The following DGKI variants were observed in gnomAD, a reference collection of about 807,000 sequenced individuals.
The protein encoded by DGKI is DAG kinase iota.
A neutral mutation model predicts 147.5 loss-of-function variants in DGKI; 55 were observed. The ratio of observed to expected loss-of-function variants is 0.37; its 90% CI spans 0.30 to 0.47. The LOEUF (loss-of-function observed/expected upper bound fraction) is 0.47, where lower values mean the gene tolerates loss of function less well. DGKI is among the 20% of genes least tolerant of loss of function. The pLI is 1.00. For missense variants in DGKI, 1,007 were observed against 1,323.8 expected (o/e 0.76, Z 3.71); for synonymous variants, 469 against 477.1 (o/e 0.98, Z 0.22).
intron 1 of DGKI, among the ~76,000 whole-genome samples, chr7:137,826,494 C>T (rs1798062092): frequency 6.6e-6 from 1 of 152,216 alleles, no homozygotes; most frequent in Non-Finnish European, 1.5e-5. Flanking sequence ...TTTCTATTAA[C>T]TGGTCCAGCC....
rs1316785013 is a variant in DGKI at position 137,542,861 on chromosome 7, C to T, written c.2147+9508G>A. On this transcript the variant is annotated intron_variant, in intron 20 of 32. Transcript: ENST00000614521. ...TACTTGGATGCTTGTCACATGGCTT[C>T]GTAATTCTGTCATAGGCAACACAAC... Among the ~76,000 whole-genome samples, 5 of 152,298 alleles carry T rather than the reference C, an allele frequency of 3.3e-5. No homozygotes were observed. In the South Asian group the frequency reaches 8.3e-4, roughly 25 times the overall value.
chr7:137,693,163 A>C (rs1355293100), intron 1 of DGKI, among the ~76,000 whole-genome samples: 1 of 152,196 alleles, frequency 6.6e-6, no homozygotes, highest in Non-Finnish European at 1.5e-5. Flanking sequence ...TAGATGACGA[A>C]TTTAAGAGTC....
chr7:137,527,606 A>G (rs1817197220), intron 20 of DGKI, among the ~76,000 whole-genome samples: 1 of 152,162 alleles, frequency 6.6e-6, no homozygotes, highest in Non-Finnish European at 1.5e-5. Context: ...TCCTGTTTTC[A>G]TTAACATTTC....
intron 28 of DGKI, among the ~76,000 whole-genome samples, chr7:137,426,202 G>T (rs4732257): frequency 0.41 from 61,864 of 152,036 alleles, 13,137 homozygotes; most frequent in East Asian, 0.74. Context: ...GCGGATCTCT[G>T]GGCAGAAACT....
intron 27 of DGKI, among the ~76,000 whole-genome samples, chr7:137,444,736 T>C (rs966864937): frequency 6.6e-6 from 1 of 152,232 alleles, no homozygotes; most frequent in African/African-American, 2.4e-5. Context: ...GCTTTAATTA[T>C]GATAATCAGA....
intron 3 of DGKI, among the ~76,000 whole-genome samples, chr7:137,672,219 T>G (rs73730089): frequency 0.062 from 9,513 of 152,252 alleles, 910 homozygotes; most frequent in African/African-American, 0.21. Context: ...GGTATCTGCA[T>G]GGCTAGATAA....
intron 2 of DGKI, among the ~76,000 whole-genome samples, chr7:137,687,779 A>C (rs990021935): frequency 6.6e-6 from 1 of 152,192 alleles, no homozygotes; most frequent in Non-Finnish European, 1.5e-5. Flanking sequence ...GACTGTCTCA[A>C]GGAAGGGCTT....
At chr7:137,678,853 T>C (rs1823131763) in intron 2 of DGKI, among the ~76,000 whole-genome samples, 1 of 152,222 alleles carries the variant, frequency 6.6e-6, no homozygotes, top group Non-Finnish European at 1.5e-5. Flanking sequence ...AACTTTGAGC[T>C]ATAACTAAAA....
At chr7:137,703,974 G>T (rs1793915724) in intron 1 of DGKI, among the ~76,000 whole-genome samples, 1 of 152,186 alleles carries the variant, frequency 6.6e-6, no homozygotes, top group Admixed American at 6.5e-5. Flanking sequence ...ACTTTGGGAG[G>T]CTAAGGCAGG....
chr7:137,699,050 A>T (rs1823888606), intron 1 of DGKI, among the ~76,000 whole-genome samples: 1 of 152,210 alleles, frequency 6.6e-6, no homozygotes, highest in Admixed American at 6.5e-5. Flanking sequence ...TATTTCTCAC[A>T]GTTCTGGAGG....
chr7:137,838,783 T>C (rs1203357935), intron 1 of DGKI, among the ~76,000 whole-genome samples: 2 of 152,220 alleles, frequency 1.3e-5, no homozygotes, highest in African/African-American at 4.8e-5. Flanking sequence ...TTTTAAAATA[T>C]ATTCTGCTGT....
intron 12 of DGKI, among the ~76,000 whole-genome samples, chr7:137,594,373 A>T (rs1323224354): frequency 6.6e-6 from 1 of 152,148 alleles, no homozygotes; most frequent in African/African-American, 2.4e-5. Context: ...AATAATATAC[A>T]ATTAAAGTAG....
intron 20 of DGKI, among the ~76,000 whole-genome samples, chr7:137,550,235 G>A (rs762639784): frequency 1.3e-4 from 19 of 149,746 alleles, no homozygotes; most frequent in Admixed American, 2.0e-4. Context: ...GTGTGATCTC[G>A]GCTCCATGAA....
At chr7:137,455,257 G>A (rs1338958573) in intron 27 of DGKI, among the ~76,000 whole-genome samples, 1 of 152,028 alleles carries the variant, frequency 6.6e-6, no homozygotes. Context: ...AACATTGTCT[G>A]CTTCCTCCTG....
intron 1 of DGKI, among the ~76,000 whole-genome samples, chr7:137,801,332 G>GA (rs945941973): frequency 9.9e-5 from 15 of 151,892 alleles, no homozygotes; most frequent in African/African-American, 1.9e-4. Context: ...ACTAGAAAGA[G>GA]AAAAAAAAGA....
chr7:137,761,177 T>C (rs946384701), intron 1 of DGKI, among the ~76,000 whole-genome samples: 1 of 152,218 alleles, frequency 6.6e-6, no homozygotes. Context: ...TTCAGGACCA[T>C]GCCAGAGCCA....
intron 10 of DGKI, among the ~76,000 whole-genome samples, chr7:137,607,333 A>G (rs1240382185): frequency 2.0e-5 from 3 of 152,176 alleles, no homozygotes; most frequent in Non-Finnish European, 4.4e-5. Context: ...CTTTTGTGTC[A>G]TTTACAAGAT....
At chr7:137,416,474 T>C (rs1038764453) in intron 28 of DGKI, among the ~76,000 whole-genome samples, 1 of 152,198 alleles carries the variant, frequency 6.6e-6, no homozygotes, top group South Asian at 2.1e-4. Context: ...AGCTTTGTGT[T>C]GCCACATCTG....
chr7:137,661,532 G>T (rs1408697504), intron 3 of DGKI, among the ~76,000 whole-genome samples: 11 of 152,142 alleles, frequency 7.2e-5, no homozygotes, highest in Admixed American at 6.5e-4. Context: ...GGACAGAGGA[G>T]GTTGCTGGGC....
Sources: allele counts gnomAD v4.1 joint callset (sites outside exome capture counted in the v4.1 genomes callset), GRCh38; gene constraint gnomAD v4.1.1; transcripts MANE v1.5; gene names NCBI Gene and HGNC (gene_info 2026-07-23, HGNC 2026-07-21).